The following BMAL1 variants were observed in gnomAD, a reference collection of about 807,000 sequenced individuals.
BMAL1 encodes basic helix-loop-helix ARNT like 1.
At chr11:13,303,246 G>A in the BMAL1 span, among the ~76,000 whole-genome samples, 2 of 151,972 alleles carry the variant, frequency 1.3e-5, no homozygotes, top group Non-Finnish European at 2.9e-5. Context: ...TTCATTCATT[G>A]GCAACAAATG....
the BMAL1 span, chr11:13,379,014 C>G: frequency 6.6e-6 from 1 of 152,356 alleles, no homozygotes; most frequent in Non-Finnish European, 1.5e-5. Context: ...AAGCAGTCCA[C>G]CTGGGTCTGA....
At chr11:13,340,036 G>C in the BMAL1 span, among the ~76,000 whole-genome samples, 14 of 152,258 alleles carry the variant, frequency 9.2e-5, no homozygotes, top group East Asian at 7.7e-4. Flanking sequence ...AAATTGTCCC[G>C]AATTGAAATT....
At chr11:13,372,724 C>T in the BMAL1 span, among the ~76,000 whole-genome samples, 1 of 152,110 alleles carries the variant, frequency 6.6e-6, no homozygotes, top group Non-Finnish European at 1.5e-5. Context: ...GCAGGAGGAT[C>T]AGCTGAGCCT....
the BMAL1 span, among the ~76,000 whole-genome samples, chr11:13,308,365 G>C: frequency 1.8e-4 from 28 of 152,168 alleles, no homozygotes. Flanking sequence ...GGAGTTCAGA[G>C]CAGGGGTCCA....
At chr11:13,336,020 T>C in the BMAL1 span, among the ~76,000 whole-genome samples, 1 of 152,248 alleles carries the variant, frequency 6.6e-6, no homozygotes, top group Non-Finnish European at 1.5e-5. Context: ...TGTGTGTGCG[T>C]GCATGCATGC....
chr11:13,331,569 C>T, the BMAL1 span, among the ~76,000 whole-genome samples: 1 of 152,196 alleles, frequency 6.6e-6, no homozygotes, highest in Non-Finnish European at 1.5e-5. Flanking sequence ...CTGGAGTACC[C>T]TGCCCTTTTC....
chr11:13,312,854 C>T, the BMAL1 span, among the ~76,000 whole-genome samples: 1 of 152,158 alleles, frequency 6.6e-6, no homozygotes, highest in Non-Finnish European at 1.5e-5. Context: ...CTCTTGGCAT[C>T]ATGGTTATAG....
chr11:13,376,690 C>T, the BMAL1 span: 109 of 1,613,858 alleles, frequency 6.8e-5, no homozygotes, highest in Non-Finnish European at 8.6e-5. Context: ...CTCACAGCAT[C>T]CCCCCACAGC....
At chr11:13,342,184 T>A in the BMAL1 span, among the ~76,000 whole-genome samples, 1 of 152,078 alleles carries the variant, frequency 6.6e-6, no homozygotes, top group East Asian at 1.9e-4. Flanking sequence ...TTGCAAAAAA[T>A]TCCTGGTTCT....
chr11:13,362,467 A>G, the BMAL1 span, among the ~76,000 whole-genome samples: 3 of 152,212 alleles, frequency 2.0e-5, no homozygotes, highest in African/African-American at 7.2e-5. Context: ...TGTAGATCCA[A>G]TACATGCCTC....
At chr11:13,356,323 T>G in the BMAL1 span, 8 of 466,726 alleles carry the variant, frequency 1.7e-5, no homozygotes, top group Non-Finnish European at 3.4e-5. Context: ...ACATTTATCT[T>G]TGATGCTCAA....
At chr11:13,293,291 G>T in the BMAL1 span, among the ~76,000 whole-genome samples, 1 of 152,252 alleles carries the variant, frequency 6.6e-6, no homozygotes, top group Non-Finnish European at 1.5e-5. Flanking sequence ...TGAATCAGTA[G>T]AAAGAGCACT....
chr11:13,283,182 G>A, the BMAL1 span, among the ~76,000 whole-genome samples: 1 of 152,194 alleles, frequency 6.6e-6, no homozygotes, highest in African/African-American at 2.4e-5. Context: ...AGAAGGGGAT[G>A]GCTGGTCTGC....
At chr11:13,369,573 A>T in the BMAL1 span, 1 of 1,610,052 alleles carries the variant, frequency 6.2e-7, no homozygotes, top group Admixed American at 1.7e-5. Context: ...CTCCTGACAG[A>T]CAACACTGCT....
At chr11:13,349,760 A>G in the BMAL1 span, among the ~76,000 whole-genome samples, 1 of 152,218 alleles carries the variant, frequency 6.6e-6, no homozygotes, top group Non-Finnish European at 1.5e-5. Context: ...AAGGAGCTGA[A>G]GGACGGCCAG....
At chr11:13,342,205 G>A in the BMAL1 span, among the ~76,000 whole-genome samples, 1 of 152,218 alleles carries the variant, frequency 6.6e-6, no homozygotes, top group South Asian at 2.1e-4. Context: ...GGGACAGAAT[G>A]CATGGGGTCT....
chr11:13,366,630 A>G, the BMAL1 span: 1,665 of 1,556,686 alleles, frequency 1.1e-3, 1 homozygote, highest in Non-Finnish European at 1.3e-3. Flanking sequence ...TCTGCATGCA[A>G]TTGACTTGTC....
chr11:13,374,411 A>G, the BMAL1 span, among the ~76,000 whole-genome samples: 1 of 152,128 alleles, frequency 6.6e-6, no homozygotes, highest in Admixed American at 6.5e-5. Context: ...ACTGCATGGC[A>G]GTTTCTGAAA....
At chr11:13,308,757 A>C in the BMAL1 span, among the ~76,000 whole-genome samples, 3 of 152,216 alleles carry the variant, frequency 2.0e-5, no homozygotes, top group African/African-American at 7.2e-5. Context: ...GATTTATTAA[A>C]ATAAATCTGA....
Sources: allele counts gnomAD v4.1 joint callset (sites outside exome capture counted in the v4.1 genomes callset), GRCh38; gene constraint gnomAD v4.1.1; transcripts MANE v1.5; gene names NCBI Gene and HGNC (gene_info 2026-07-23, HGNC 2026-07-21).